The following FITM1 variants were observed in gnomAD, a reference collection of about 807,000 sequenced individuals.
FITM1 encodes the protein fat storage-inducing transmembrane protein 1.
A neutral mutation model predicts 22.2 loss-of-function variants in FITM1; 11 were observed. That is an observed-to-expected ratio of 0.50 (90% CI 0.31 to 0.82). The LOEUF (loss-of-function observed/expected upper bound fraction) is 0.82, where lower values mean the gene tolerates loss of function less well. FITM1 is among the 40% of genes least tolerant of loss of function. FITM1 has a pLI of 0.04. For missense variants in FITM1, 394 were observed against 386.4 expected (o/e 1.02, Z -0.17); for synonymous variants, 164 against 174.0 (o/e 0.94, Z 0.45).
In FITM1 at chr14:24,131,603, G is replaced by A. The variant is rs772405717; in HGVS notation, c.40G>A (p.Gly14Arg). The A allele has an allele frequency of 1.9e-5, 30 of 1,605,924 alleles. No individual in the cohort carries two copies. The highest frequency in any genetic ancestry group is 1.8e-4 in the Middle Eastern group (1 of 5,610). Residue 14 changes from glycine (G) to arginine (R), a missense_variant, in exon 1 of 2, where the codon GGG becomes AGG. Coordinates refer to ENST00000267426, the MANE Select transcript of FITM1 (RefSeq NM_203402.3). ...GGTGGTGGGGGCAGGACTGGGGGCC[G>A]GGGCCCGAATCCAGGCACTGCTGGG... ...GPVVGAGLGAGARIQALLGCL... is the reference protein window; with the variant it reads ...GPVVGAGLGARARIQALLGCL...
At position 24,131,744 on chromosome 14, in the gene FITM1, G is replaced by A. The variant is rs746553901; in HGVS notation, c.181G>A (p.Ala61Thr). The change falls in exon 1 of 2, where the codon GCA (alanine) becomes ACA (threonine). Residue 61 changes from alanine (A) to threonine (T), a missense_variant. By Grantham distance (58) the Ala-to-Thr change is moderately conservative. Transcript: ENST00000267426. ...ACGGCGCCTCTACCATGCCTGGCTG[G>A]CAGCAGTGGTCATCTTTGGGCCGCT... ...CLRRLYHAWL[A>T]AVVIFGPLLQ... The A allele has an allele frequency of 2.5e-6, 4 of 1,613,988 alleles. No individual in the cohort carries two copies. In the Admixed American group the frequency reaches 6.7e-5, roughly 27 times the overall value.
Position 24,131,633 on chromosome 14 carries a change from C to G in FITM1, c.70C>G (p.Leu24Val), listed in dbSNP as rs752752709. ...CCGAATCCAGGCACTGCTGGGCTGC[C>G]TGCTCAAGGTGCTGCTCTGGGTGGC... ...GARIQALLGC[L>V]LKVLLWVASA... The change falls in exon 1 of 2, where the codon CTG becomes GTG. Residue 24 changes from leucine (L) to valine (V), a missense_variant. Coordinates refer to ENST00000267426, the MANE Select transcript of FITM1 (RefSeq NM_203402.3). 2 of 1,612,572 alleles carry G rather than the reference C, an allele frequency of 1.2e-6. No individual in the cohort carries two copies.
chr14:24,131,488 C>G lies in FITM1; in HGVS notation c.-76C>G. The G allele has an allele frequency of 2.9e-6, 4 of 1,393,300 alleles. No individual in the cohort carries two copies. The highest frequency in any genetic ancestry group is 4.0e-6 in the Non-Finnish European group (4 of 1,012,370). The allele number at this position is 1,393,300 out of a possible 1,614,324, so 86.3% of individuals were successfully genotyped here. On this transcript the variant is annotated 5_prime_UTR_variant, in exon 1 of 2. Transcript: ENST00000267426. ...TCTGCCACACCTGTCACTGCCTATC[C>G]TTGTCCAGGGGGGGCCCCATCAGCC...
rs896362922 is a variant in FITM1 at position 24,131,131 on chromosome 14, T to A, written c.-433T>A. ...CACTGATAAGACTGGCAGCTTTTTTTAAAAAACGACTTTCAAGGTTTGGTT... is the reference window on the plus strand; with the variant it reads ...CACTGATAAGACTGGCAGCTTTTTTAAAAAAACGACTTTCAAGGTTTGGTT... On this transcript the variant is annotated 5_prime_UTR_variant, in exon 1 of 2. Coordinates refer to ENST00000267426, the MANE Select transcript of FITM1 (RefSeq NM_203402.3). 22 of 535,216 alleles carry A rather than the reference T, an allele frequency of 4.1e-5. No homozygotes were observed. Among genetic ancestry groups the A allele is most frequent in the African/African-American group, 2.9e-4 (15 of 52,528 alleles). The allele number at this position is 535,216 out of a possible 1,614,324, so 33.2% of individuals were successfully genotyped here.
In FITM1 at chr14:24,131,429, C is replaced by A. The variant is rs959625769; in HGVS notation, c.-135C>A. 1.1e-6 allele frequency: 1 copy of A among 910,994 alleles called. No individual in the cohort carries two copies. The highest frequency in any genetic ancestry group is 2.6e-5 in the East Asian group (1 of 38,110). 56.4% of individuals were successfully genotyped at this position (910,994 alleles called of 1,614,324 possible). A position where few individuals can be genotyped will look rare whatever the true frequency, so the allele number is the denominator to read the frequency against. ...CTTACTGCCCCCCGCCCCTCTCCCC[C>A]ACCTGCCAGCTGCCAACAGGGCTCT... is the stretch of plus-strand genomic sequence containing the variant. On this transcript the variant is annotated 5_prime_UTR_variant, in exon 1 of 2. Transcript: ENST00000267426.
chr14:24,131,730 A>G lies in FITM1; in HGVS notation c.167A>G (p.Tyr56Cys). ...GGCAGCCCCTGCTTACGGCGCCTCT[A>G]CCATGCCTGGCTGGCAGCAGTGGTC... ...LLGSPCLRRL[Y>C]HAWLAAVVIF... The change falls in exon 1 of 2, where the codon TAC becomes TGC. Residue 56 changes from tyrosine (Y) to cysteine (C), a missense_variant. Coordinates refer to ENST00000267426, the MANE Select transcript of FITM1 (RefSeq NM_203402.3). 1 of 1,614,114 alleles carries G rather than the reference A, an allele frequency of 6.2e-7. No individual in the cohort carries two copies. The highest frequency in any genetic ancestry group is 8.5e-7 in the Non-Finnish European group (1 of 1,180,030).
Position 24,131,360 on chromosome 14 carries a change from C to G in FITM1, c.-204C>G, listed in dbSNP as rs547150418. 4 of 697,106 alleles carry G rather than the reference C, an allele frequency of 5.7e-6. No homozygotes were observed. The highest frequency in any genetic ancestry group is 1.0e-5 in the Non-Finnish European group (4 of 382,970). 43.2% of individuals were successfully genotyped at this position (697,106 alleles called of 1,614,324 possible). A position where few individuals can be genotyped will look rare whatever the true frequency, so the allele number is the denominator to read the frequency against. ...GTCAGGACACATACTACCACACACC[C>G]GAGGCCAGGACCCTGCTGACGTGGC... On this transcript the variant is annotated 5_prime_UTR_variant, in exon 1 of 2. Transcript: ENST00000267426.
At position 24,131,498 on chromosome 14, in the gene FITM1, G is replaced by T. The variant is rs1027224017; in HGVS notation, c.-66G>T. Reference sequence around the variant, plus strand: ...CTGTCACTGCCTATCCTTGTCCAGGGGGGGCCCCATCAGCCCCTCCTCAGC... The same window carrying T: ...CTGTCACTGCCTATCCTTGTCCAGGTGGGGCCCCATCAGCCCCTCCTCAGC... On this transcript the variant is annotated 5_prime_UTR_variant, in exon 1 of 2. Transcript: ENST00000267426. The T allele has an allele frequency of 6.8e-5, 99 of 1,455,938 alleles. No individual in the cohort carries two copies. The highest frequency in any genetic ancestry group is 8.9e-5 in the Non-Finnish European group (95 of 1,068,520). 90.2% of individuals were successfully genotyped at this position (1,455,938 alleles called of 1,614,324 possible).
rs1445636857 is a variant in FITM1, at chr14:24,131,278, A to C, written c.-286A>C. On this transcript the variant is annotated 5_prime_UTR_variant, in exon 1 of 2. Transcript: ENST00000267426. ...CTGAACAGCTGGCCCTGTCACAGGAACTGGAACATGGTCGGAGCCAAGGAC... is the reference window on the plus strand; with the variant it reads ...CTGAACAGCTGGCCCTGTCACAGGACCTGGAACATGGTCGGAGCCAAGGAC... 3.2e-6 allele frequency: 2 copies of C among 619,290 alleles called. No individual in the cohort carries two copies. The highest frequency in any genetic ancestry group is 5.1e-5 in the Admixed American group (2 of 39,040). 38.4% of individuals were successfully genotyped at this position (619,290 alleles called of 1,614,324 possible). A position where few individuals can be genotyped will look rare whatever the true frequency, so the allele number is the denominator to read the frequency against.
chr14:24,131,856 C>T (rs748750504), intron 1 of FITM1, 27 bp downstream of exon 1: 57 of 1,548,360 alleles, frequency 3.7e-5, no homozygotes, highest in Non-Finnish European at 4.6e-5. Flanking sequence ...CTGTGGGAGC[C>T]GGGTCCCTGC....
Position 24,132,652 on chromosome 14 carries a change from G to T in FITM1, c.708G>T (p.Leu236=). The T allele has an allele frequency of 6.2e-7, 1 of 1,613,724 alleles. No homozygotes were observed. The highest frequency in any genetic ancestry group is 8.5e-7 in the Non-Finnish European group (1 of 1,180,030). ...TGCTGGGCCTCTGGAACTTCTTGCT[G>T]CTCTGTACCGTCATCTATTTCCACC... is the stretch of plus-strand genomic sequence containing the variant. ...VLLLGLWNFL[L]LCTVIYFHQY... The change falls in exon 2 of 2, where the codon CTG becomes CTT. Residue 236 remains leucine, a synonymous_variant. Coordinates refer to ENST00000267426, the MANE Select transcript of FITM1 (RefSeq NM_203402.3).
At position 24,132,597 on chromosome 14, in the gene FITM1, T is replaced by C. The variant is rs772794305; in HGVS notation, c.653T>C (p.Leu218Pro). The C allele has an allele frequency of 5.0e-6, 8 of 1,611,200 alleles. No homozygotes were observed. The South Asian group carries it at 8.8e-5, about 18-fold the overall frequency. Residue 218 changes from leucine to proline, a missense_variant, in exon 2 of 2, where the codon CTG becomes CCG. Leu to Pro is a moderately conservative substitution (Grantham distance 98). Transcript: ENST00000267426. ...LAHGLPAGAP[L>P]RLVFLLNVLL... Reference sequence around the variant, plus strand: ...CATGGGCTTCCTGCCGGCGCCCCACTGCGCCTTGTCTTCCTGCTGAACGTG... The same window carrying C: ...CATGGGCTTCCTGCCGGCGCCCCACCGCGCCTTGTCTTCCTGCTGAACGTG...
Position 24,132,504 on chromosome 14 carries a change from C to T in FITM1, c.560C>T (p.Thr187Ile). The T allele has an allele frequency of 1.9e-6, 3 of 1,603,840 alleles. No individual in the cohort carries two copies. Among genetic ancestry groups the T allele is most frequent in the Non-Finnish European group, 2.5e-6 (3 of 1,179,980 alleles). Residue 187 changes from threonine (T) to isoleucine (I), a missense_variant, in exon 2 of 2, where the codon ACC becomes ATC. Transcript: ENST00000267426. ...QWRGYTVSSH[T>I]FLLTFCCLLM... is the part of the protein sequence containing the mutation. ...CGAGGCTACACCGTCTCCTCCCACA[C>T]CTTCCTGCTCACCTTTTGCTGCCTG...
Position 24,131,606 on chromosome 14 carries a change from G to A in FITM1, c.43G>A (p.Ala15Thr), listed in dbSNP as rs370519215. 15 of 1,608,252 alleles carry A rather than the reference G, an allele frequency of 9.3e-6. No homozygotes were observed. Among genetic ancestry groups the A allele is most frequent in the Admixed American group, 3.3e-5 (2 of 59,730 alleles). The part of the protein sequence containing the change: ...PVVGAGLGAG[A>T]RIQALLGCLL... ...GGTGGGGGCAGGACTGGGGGCCGGG[G>A]CCCGAATCCAGGCACTGCTGGGCTG... The change falls in exon 1 of 2, where the codon GCC (alanine) becomes ACC (threonine). Residue 15 changes from alanine to threonine, a missense_variant. Ala to Thr is a moderately conservative substitution (Grantham distance 58). Coordinates refer to ENST00000267426, the MANE Select transcript of FITM1 (RefSeq NM_203402.3).
chr14:24,131,209 G>A lies in FITM1; in HGVS notation c.-355G>A, dbSNP rs1358226370. The A allele has an allele frequency of 1.1e-5, 6 of 556,826 alleles. No homozygotes were observed. The highest frequency in any genetic ancestry group is 3.8e-5 in the African/African-American group (2 of 52,734). 34.5% of individuals were successfully genotyped at this position (556,826 alleles called of 1,614,324 possible). On this transcript the variant is annotated 5_prime_UTR_variant, in exon 1 of 2. Transcript: ENST00000267426. ...CCTGTGGAGCAAATGGTAAAGTAGGGGTGGGTGGAGAGGGACTTTGGCAGA... is the reference window on the plus strand; with the variant it reads ...CCTGTGGAGCAAATGGTAAAGTAGGAGTGGGTGGAGAGGGACTTTGGCAGA...
chr14:24,132,080 G>C, intron 1 of FITM1, 131 bp from the exon 2 acceptor site: 1 of 1,329,852 alleles, frequency 7.5e-7, no homozygotes, highest in Middle Eastern at 2.6e-4. Context: ...AATGACTGGG[G>C]GCTGTAAAGG....
Position 24,132,498 on chromosome 14 carries a change from C to T in FITM1, c.554C>T (p.Ser185Phe), listed in dbSNP as rs1390059479. 1.2e-6 allele frequency: 2 copies of T among 1,603,828 alleles called. No individual in the cohort carries two copies. The highest frequency in any genetic ancestry group is 1.7e-6 in the Non-Finnish European group (2 of 1,179,984). The change falls in exon 2 of 2, where the codon TCC becomes TTC. Residue 185 changes from serine to phenylalanine, a missense_variant. Transcript: ENST00000267426. ...CAGTGGCGAGGCTACACCGTCTCCT[C>T]CCACACCTTCCTGCTCACCTTTTGC... ...GHQWRGYTVS[S>F]HTFLLTFCCL... is the part of the protein sequence containing the mutation.
chr14:24,132,377 A>T lies in FITM1; in HGVS notation c.433A>T (p.Ile145Phe). 6.2e-7 allele frequency: 1 copy of T among 1,613,412 alleles called. No homozygotes were observed. Among genetic ancestry groups the T allele is most frequent in the Non-Finnish European group, 8.5e-7 (1 of 1,179,992 alleles). The change falls in exon 2 of 2, where the codon ATC becomes TTC. Residue 145 changes from isoleucine to phenylalanine, a missense_variant. Transcript: ENST00000267426. ...WRGAGRAFLL[I>F]EDLTGSCFEP... is the part of the protein sequence containing the mutation. ...GGGAGCCGGCCGGGCCTTCCTGCTC[A>T]TCGAGGACCTGACTGGCTCCTGCTT...
Position 24,131,357 on chromosome 14 carries a change from A to G in FITM1, c.-207A>G. 2 of 694,710 alleles carry G rather than the reference A, an allele frequency of 2.9e-6. No homozygotes were observed. The highest frequency in any genetic ancestry group is 5.2e-6 in the Non-Finnish European group (2 of 381,494). 43.0% of individuals were successfully genotyped at this position (694,710 alleles called of 1,614,324 possible). On this transcript the variant is annotated 5_prime_UTR_variant, in exon 1 of 2. Transcript: ENST00000267426. ...GCTGTCAGGACACATACTACCACACACCCGAGGCCAGGACCCTGCTGACGT... is the reference window on the plus strand; with the variant it reads ...GCTGTCAGGACACATACTACCACACGCCCGAGGCCAGGACCCTGCTGACGT...
Sources: gnomAD v4.1 joint callset for allele counts on GRCh38, gnomAD v4.1.1 for gene constraint, MANE v1.5 for transcripts, NCBI Gene and HGNC (gene_info 2026-07-23, HGNC 2026-07-21) for gene names.